The following RBMS3 variants were observed in gnomAD, a reference collection of about 807,000 sequenced individuals.
RBMS3 encodes RNA binding motif single stranded interacting protein 3.
A neutral mutation model predicts 66.8 loss-of-function variants in RBMS3; 27 were observed. That is an observed-to-expected ratio of 0.40 (90% CI 0.30 to 0.56). The LOEUF is 0.56. Ranked by LOEUF, RBMS3 falls within the 20% of genes least tolerant of loss-of-function variation. The pLI is 0.40. For missense variants in RBMS3, 513 were observed against 549.5 expected (o/e 0.93, Z 0.66); for synonymous variants, 188 against 183.0 (o/e 1.03, Z -0.22).
At chr3:29,493,932 A>C (rs1051946692) in intron 3 of RBMS3, among the ~76,000 whole-genome samples, 5 of 152,220 alleles carry the variant, frequency 3.3e-5, no homozygotes, top group African/African-American at 1.2e-4. Context: ...TCGTCATTAG[A>C]GGACACAAAT....
At chr3:29,772,281 T>C (rs1311237718) in intron 6 of RBMS3, among the ~76,000 whole-genome samples, 1 of 152,100 alleles carries the variant, frequency 6.6e-6, no homozygotes, top group East Asian at 1.9e-4. Flanking sequence ...ATAATAAGTT[T>C]ATGTTGTTTT....
chr3:29,634,719 C>T (rs955590392), intron 4 of RBMS3, among the ~76,000 whole-genome samples: 4 of 151,794 alleles, frequency 2.6e-5, no homozygotes, highest in African/African-American at 9.7e-5. Flanking sequence ...TAGTTAAATC[C>T]TTATCTCAGG....
At position 29,377,522 on chromosome 3, in the gene RBMS3, T is replaced by G. The variant is rs553551583; in HGVS notation, c.76-57221T>G. On this transcript the variant is annotated intron_variant, in intron 1 of 14. Coordinates refer to ENST00000383767, the MANE Select transcript of RBMS3 (RefSeq NM_001003793.3). ...CTGACTCAGTTGCGTCCACTTTCTC[T>G]GTGAATCTTCCTTTACCTCCACGTT... 7.8e-4 allele frequency among the ~76,000 whole-genome samples: 119 copies of G among 152,334 alleles called. 2 individuals are homozygous for G. The highest frequency in any genetic ancestry group is 2.7e-3 in the African/African-American group (112 of 41,576).
At chr3:29,903,535 A>G (rs2060304603) in intron 10 of RBMS3, among the ~76,000 whole-genome samples, 1 of 152,012 alleles carries the variant, frequency 6.6e-6, no homozygotes, top group African/African-American at 2.4e-5. Flanking sequence ...GTTACATTGC[A>G]ATGTCATATG....
intron 4 of RBMS3, among the ~76,000 whole-genome samples, chr3:29,685,652 A>G (rs1439541907): frequency 6.6e-6 from 1 of 152,212 alleles, no homozygotes; most frequent in Non-Finnish European, 1.5e-5. Flanking sequence ...ACTTGCTTAA[A>G]CAATAGGCAG....
intron 7 of RBMS3, among the ~76,000 whole-genome samples, chr3:29,871,382 T>A (rs528264246): frequency 6.6e-6 from 1 of 152,110 alleles, no homozygotes; most frequent in Non-Finnish European, 1.5e-5. Context: ...AGGGAGGGTT[T>A]TTTGTTTGTT....
intron 1 of RBMS3, among the ~76,000 whole-genome samples, chr3:29,355,746 CT>C (rs1375040695): frequency 2.0e-5 from 3 of 151,942 alleles, no homozygotes; most frequent in African/African-American, 7.2e-5. Context: ...ATAGTACTTC[CT>C]TTTTTTCCCC....
At chr3:29,455,738 A>G (rs1183737442) in intron 2 of RBMS3, among the ~76,000 whole-genome samples, 1 of 152,030 alleles carries the variant, frequency 6.6e-6, no homozygotes, top group Non-Finnish European at 1.5e-5. Context: ...ACTTAGGAAC[A>G]CACTAGAGAG....
intron 7 of RBMS3, among the ~76,000 whole-genome samples, chr3:29,869,693 A>G (rs977524982): frequency 1.3e-4 from 20 of 152,204 alleles, no homozygotes; most frequent in African/African-American, 4.8e-4. Flanking sequence ...GAAGACAAGG[A>G]AAAGGTGACT....
intron 6 of RBMS3, among the ~76,000 whole-genome samples, chr3:29,852,020 GC>G: frequency 6.6e-6 from 1 of 152,002 alleles, no homozygotes; most frequent in East Asian, 1.9e-4. Flanking sequence ...CAGAAATAAG[GC>G]CACACACTTA....
At chr3:29,531,946 C>G (rs2045365488) in intron 3 of RBMS3, among the ~76,000 whole-genome samples, 1 of 151,922 alleles carries the variant, frequency 6.6e-6, no homozygotes, top group African/African-American at 2.4e-5. Context: ...CATCTAGGAG[C>G]CTGACTGACT....
chr3:29,410,422 A>T (rs1003312360), intron 1 of RBMS3, among the ~76,000 whole-genome samples: 13 of 152,188 alleles, frequency 8.5e-5, no homozygotes, highest in African/African-American at 3.1e-4. Context: ...CAAATTGCCT[A>T]AAAGCTCCAT....
intron 1 of RBMS3, among the ~76,000 whole-genome samples, chr3:29,381,264 T>A (rs1053215962): frequency 6.6e-6 from 1 of 152,154 alleles, no homozygotes; most frequent in Non-Finnish European, 1.5e-5. Flanking sequence ...CTGGAAATTG[T>A]GAGCCTGTAA....
At chr3:29,741,607 A>G (rs1303256494) in intron 5 of RBMS3, among the ~76,000 whole-genome samples, 1 of 152,242 alleles carries the variant, frequency 6.6e-6, no homozygotes, top group Non-Finnish European at 1.5e-5. Flanking sequence ...TTAAGAGCAC[A>G]TATTTCCAAG....
chr3:29,555,862 C>G (rs994666185), intron 3 of RBMS3, among the ~76,000 whole-genome samples: 3 of 141,418 alleles, frequency 2.1e-5, no homozygotes, highest in Non-Finnish European at 4.6e-5. Flanking sequence ...AAGAAAACTG[C>G]TCTGAGAAAA....
At chr3:29,570,839 C>A (rs1394868265) in intron 3 of RBMS3, among the ~76,000 whole-genome samples, 6 of 152,144 alleles carry the variant, frequency 3.9e-5, no homozygotes, top group African/African-American at 1.4e-4. Context: ...TGGGCATATA[C>A]TCAGCAATGG....
At chr3:29,623,522 A>T (rs2048951575) in intron 4 of RBMS3, among the ~76,000 whole-genome samples, 1 of 146,168 alleles carries the variant, frequency 6.8e-6, no homozygotes, top group African/African-American at 2.5e-5. Flanking sequence ...AACCAGGGAG[A>T]TGGAGCTTTT....
intron 3 of RBMS3, among the ~76,000 whole-genome samples, chr3:29,495,417 CT>C (rs775377508): frequency 0.017 from 1,918 of 111,854 alleles, 37 homozygotes; most frequent in African/African-American, 0.048. Flanking sequence ...ATATTTCTTT[CT>C]TTTTTTTTTT....
chr3:29,579,642 A>G (rs889134203), intron 3 of RBMS3, among the ~76,000 whole-genome samples: 2 of 152,178 alleles, frequency 1.3e-5, no homozygotes, highest in Non-Finnish European at 1.5e-5. Context: ...ACCATTACAC[A>G]CTTGTACCTC....
Sources: allele counts gnomAD v4.1 joint callset (sites outside exome capture counted in the v4.1 genomes callset), GRCh38; gene constraint gnomAD v4.1.1; transcripts MANE v1.5; gene names NCBI Gene and HGNC (gene_info 2026-07-23, HGNC 2026-07-21).